Variants in EYS observed in about 807,000 individuals in gnomAD.
The protein encoded by EYS is EGF-like photoreceptor maintenance factor.
A neutral mutation model predicts 282.1 loss-of-function variants in EYS; 250 were observed. The observed-to-expected ratio is 0.89, with a 90% CI of 0.80 to 0.98. The LOEUF (loss-of-function observed/expected upper bound fraction) is 0.98, where lower values mean the gene tolerates loss of function less well. Among genes scored for constraint, EYS ranks in the 50% least tolerant of loss-of-function variants. The pLI is 0.00. For synonymous variants in EYS, 1,355 were observed against 1,282.9 expected (o/e 1.06, Z -1.20); for missense variants, 4,016 against 3,709.0 (o/e 1.08, Z -2.15).
At chr6:64,632,241 C>T (rs901845969) in intron 22 of EYS, among the ~76,000 whole-genome samples, 5 of 152,010 alleles carry the variant, frequency 3.3e-5, no homozygotes, top group South Asian at 2.1e-4. Flanking sequence ...AGTTCTTTTC[C>T]GTGATTTATC....
At chr6:63,806,105 C>T in intron 37 of EYS, 85 bp downstream of exon 37, 1 of 1,206,638 alleles carries the variant, frequency 8.3e-7, no homozygotes, top group Non-Finnish European at 1.1e-6. Context: ...TTTTTTTTAC[C>T]ACAGCCAATT....
At chr6:64,209,965 T>C (rs1461408318) in intron 31 of EYS, among the ~76,000 whole-genome samples, 1 of 152,176 alleles carries the variant, frequency 6.6e-6, no homozygotes, top group African/African-American at 2.4e-5. Flanking sequence ...TCTACTCTAG[T>C]TTATTGCCTG....
intron 22 of EYS, among the ~76,000 whole-genome samples, chr6:64,716,681 T>A (rs1771408329): frequency 6.6e-6 from 1 of 152,206 alleles, no homozygotes; most frequent in African/African-American, 2.4e-5. Context: ...AGCAATGCAG[T>A]TAGCAACTAA....
At chr6:64,871,758 C>A (rs531493905) in intron 19 of EYS, among the ~76,000 whole-genome samples, 14 of 151,890 alleles carry the variant, frequency 9.2e-5, no homozygotes, top group Non-Finnish European at 1.9e-4. Context: ...TTGTTTTATT[C>A]CTCTTGAGAG....
intron 12 of EYS, among the ~76,000 whole-genome samples, chr6:65,276,803 A>C (rs1768060013): frequency 6.6e-6 from 1 of 152,190 alleles, no homozygotes. Flanking sequence ...ATCCTAGGTC[A>C]CAGCCAGCTG....
At chr6:64,391,345 A>C (rs1304412960) in intron 28 of EYS, among the ~76,000 whole-genome samples, 5 of 151,920 alleles carry the variant, frequency 3.3e-5, no homozygotes, top group African/African-American at 9.7e-5. Flanking sequence ...AAGTTGAAAT[A>C]AAGGAAAAAA....
intron 31 of EYS, among the ~76,000 whole-genome samples, chr6:64,220,278 T>C (rs1043866134): frequency 2.6e-5 from 4 of 152,120 alleles, no homozygotes; most frequent in Admixed American, 2.6e-4. Flanking sequence ...AATTACTGAG[T>C]TCTGGTTTGT....
intron 31 of EYS, among the ~76,000 whole-genome samples, chr6:64,206,512 TTC>T (rs1765611846): frequency 6.6e-6 from 1 of 152,348 alleles, no homozygotes; most frequent in African/African-American, 2.4e-5. Context: ...CTTTATGAAA[TTC>T]TGTGACTTTT....
intron 5 of EYS, among the ~76,000 whole-genome samples, chr6:65,472,097 C>A (rs1325034990): frequency 6.6e-6 from 1 of 152,014 alleles, no homozygotes; most frequent in African/African-American, 2.4e-5. Flanking sequence ...TTGTCAGTTT[C>A]CATGCACTTT....
In EYS at chr6:65,402,538, T is replaced by G. The variant is rs955372590; in HGVS notation, c.1124A>C (p.Glu375Ala). ...AGCATTATTCCTCAAAGGAAATGAC[T>G]CACATGATGTTTGAATGCTCTTACA... is the stretch of plus-strand genomic sequence containing the variant. ...LLCKSIQTSC[E>A]SFPLRNNATC... Residue 375 changes from glutamate to alanine, a missense_variant, in exon 7 of 43, where the codon GAG (glutamate) becomes GCG (alanine). By Grantham distance (107) the Glu-to-Ala change is moderately radical. Transcript: ENST00000503581. 14 of 1,553,878 alleles carry G rather than the reference T, an allele frequency of 9.0e-6. No individual in the cohort carries two copies. In the African/African-American group the frequency reaches 1.4e-4, roughly 15 times the overall value.
At chr6:64,060,799 A>C (rs1186863760) in intron 33 of EYS, among the ~76,000 whole-genome samples, 1 of 152,172 alleles carries the variant, frequency 6.6e-6, no homozygotes, top group Non-Finnish European at 1.5e-5. Flanking sequence ...TGTGATAAAT[A>C]TGTCTACAAT....
At chr6:64,023,746 C>T (rs897932142) in intron 33 of EYS, among the ~76,000 whole-genome samples, 8 of 152,218 alleles carry the variant, frequency 5.3e-5, no homozygotes, top group Admixed American at 2.6e-4. Flanking sequence ...AGGCCAGAGC[C>T]GGCTCCCTCA....
At position 65,152,516 on chromosome 6, in the gene EYS, G is replaced by A. The variant is rs534412513; in HGVS notation, c.2024-94789C>T. On this transcript the variant is annotated intron_variant, in intron 12 of 42. Transcript: ENST00000503581. ...GCACAGAAGGGCAATCAGGTAAAGA[G>A]CCAGAAAGAGGGTGACCATCTGCAA... Among the ~76,000 whole-genome samples, 10 of 151,972 alleles carry A rather than the reference G, an allele frequency of 6.6e-5. No individual in the cohort carries two copies. In the South Asian group the frequency reaches 2.1e-3, roughly 31 times the overall value.
intron 29 of EYS, chr6:64,378,003 C>A (rs1228347417): frequency 1.3e-5 from 2 of 152,016 alleles, no homozygotes; most frequent in Non-Finnish European, 2.9e-5. Context: ...TACAGCTGAC[C>A]CTAGCCAAAC....
intron 2 of EYS, among the ~76,000 whole-genome samples, chr6:65,506,586 C>A (rs145835263): frequency 1.4e-3 from 207 of 146,996 alleles, no homozygotes; most frequent in African/African-American, 5.1e-3. Flanking sequence ...TCAAGCAATC[C>A]TCTACCTCAG....
intron 19 of EYS, among the ~76,000 whole-genome samples, chr6:64,843,427 G>A (rs1265513947): frequency 6.6e-6 from 1 of 152,160 alleles, no homozygotes; most frequent in Non-Finnish European, 1.5e-5. Context: ...AAAGCCACAG[G>A]GGCAGAACTG....
Position 64,709,430 on chromosome 6 carries a change from A to AT in EYS, c.3444-83186dup, listed in dbSNP as rs202215478. On this transcript the variant is annotated intron_variant, in intron 22 of 42. Coordinates refer to ENST00000503581, the MANE Select transcript of EYS (RefSeq NM_001142800.2). ...GACATTACACCTTCTTTATATAAAT[A>AT]TTTTTTCTCTCTTTATATTCTTTTG... is the stretch of plus-strand genomic sequence containing the variant. Among the ~76,000 whole-genome samples, 374 of 151,978 alleles carry AT rather than the reference A, an allele frequency of 2.5e-3. 3 individuals are homozygous for AT. The highest frequency in any genetic ancestry group is 8.5e-3 in the African/African-American group (352 of 41,478).
chr6:64,914,446 A>G (rs1465843051), intron 15 of EYS, among the ~76,000 whole-genome samples: 1 of 152,156 alleles, frequency 6.6e-6, no homozygotes, highest in Non-Finnish European at 1.5e-5. Context: ...TAGTGCTGAA[A>G]TAATGTAACT....
intron 1 of EYS, among the ~76,000 whole-genome samples, chr6:65,681,069 A>T (rs575069535): frequency 2.4e-4 from 36 of 151,240 alleles, no homozygotes; most frequent in African/African-American, 8.2e-4. Context: ...CAGCCAACTT[A>T]TTAGCATATT....
Sources: allele counts gnomAD v4.1 joint callset (sites outside exome capture counted in the v4.1 genomes callset), GRCh38; gene constraint gnomAD v4.1.1; transcripts MANE v1.5; gene names NCBI Gene and HGNC (gene_info 2026-07-23, HGNC 2026-07-21).